The following NEMP2 variants were observed in gnomAD, a reference collection of about 807,000 sequenced individuals.
NEMP2 encodes the protein UPF0571 transmembrane protein.
In NEMP2, 53 loss-of-function variants were observed where a neutral mutation model predicts 54.2. The observed-to-expected ratio is 0.98, with a 90% CI of 0.78 to 1.23. The LOEUF is 1.23. Ranked by LOEUF, NEMP2 falls within the 50% of genes most tolerant of loss-of-function variation. The probability of loss-of-function intolerance (pLI) is 0.00; values close to 1 mark genes in which losing one functional copy is unlikely to be tolerated. For missense variants in NEMP2, 455 were observed against 511.3 expected (o/e 0.89, Z 1.06); for synonymous variants, 197 against 190.3 (o/e 1.04, Z -0.29).
At chr2:190,572,840 T>TC in the NEMP2 span, among the ~76,000 whole-genome samples, 5 of 74,782 alleles carry the variant, frequency 6.7e-5, no homozygotes, top group African/African-American at 2.6e-4. Flanking sequence ...TGAGTATATA[T>TC]ATATATATAT....
the NEMP2 span, among the ~76,000 whole-genome samples, chr2:190,601,209 C>G: frequency 6.6e-6 from 1 of 152,040 alleles, no homozygotes; most frequent in Non-Finnish European, 1.5e-5. The surrounding 1 kb of genome is among the most constrained non-coding windows in gnomAD (Gnocchi z 5.8). Flanking sequence ...AGAGAGAACA[C>G]TGTGTGAAGA....
At chr2:190,442,265 A>G in the NEMP2 span, among the ~76,000 whole-genome samples, 1 of 152,152 alleles carries the variant, frequency 6.6e-6, no homozygotes, top group African/African-American at 2.4e-5. Context: ...ACATTTGTTC[A>G]ATTTAGTTGA....
At chr2:190,458,939 A>G in the NEMP2 span, among the ~76,000 whole-genome samples, 1 of 152,190 alleles carries the variant, frequency 6.6e-6, no homozygotes, top group African/African-American at 2.4e-5. This position sits in a 1 kb window ranked among gnomAD's most constrained non-coding sequence, Gnocchi z 5.3. Context: ...AGAACAGAGA[A>G]TCATGCTTAG....
chr2:190,569,458 A>C, the NEMP2 span, among the ~76,000 whole-genome samples: 1 of 152,232 alleles, frequency 6.6e-6, no homozygotes, highest in African/African-American at 2.4e-5. Context: ...AAGAACTTTG[A>C]ATTTTAGCTT....
At chr2:190,449,168 A>G in the NEMP2 span, among the ~76,000 whole-genome samples, 75 of 152,238 alleles carry the variant, frequency 4.9e-4, no homozygotes, top group African/African-American at 1.7e-3. Context: ...TCAGGTGCAA[A>G]TGCATAGTAT....
the NEMP2 span, among the ~76,000 whole-genome samples, chr2:190,619,848 G>A: frequency 6.6e-6 from 1 of 152,146 alleles, no homozygotes. The surrounding 1 kb of genome is among the most constrained non-coding windows in gnomAD (Gnocchi z 5.5). Context: ...AAAATGGCAA[G>A]CTATGAAGTA....
chr2:190,542,338 A>C, the NEMP2 span, among the ~76,000 whole-genome samples: 1 of 152,128 alleles, frequency 6.6e-6, no homozygotes, highest in Non-Finnish European at 1.5e-5. The surrounding 1 kb of genome is among the most constrained non-coding windows in gnomAD (Gnocchi z 4.6). Flanking sequence ...CAGCCTCCCT[A>C]GTAGCTGGGA....
chr2:190,480,003 A>T, the NEMP2 span, among the ~76,000 whole-genome samples: 2 of 152,314 alleles, frequency 1.3e-5, no homozygotes, highest in African/African-American at 2.4e-5. Context: ...TCTCTACAAA[A>T]TATTTAAAAA....
the NEMP2 span, among the ~76,000 whole-genome samples, chr2:190,460,754 C>G: frequency 6.6e-6 from 1 of 152,184 alleles, no homozygotes; most frequent in Admixed American, 6.5e-5. Flanking sequence ...AATATCAAGA[C>G]ACAGAGACAG....
rs547075861 is a variant in NEMP2 at position 190,512,357 on chromosome 2, T to C, written c.954-1820A>G. ...ACTGTAAGTGGCCTATAGTAGGTGT[T>C]CAATAAGGATAATCAAAAGAGTAGT... is the stretch of plus-strand genomic sequence containing the variant. On this transcript the variant is annotated intron_variant, in intron 7 of 8. Coordinates refer to ENST00000409150, the MANE Select transcript of NEMP2 (RefSeq NM_001142645.2). The surrounding 1 kb of genome is among the most constrained non-coding windows in gnomAD (Gnocchi z 4.5). Among the ~76,000 whole-genome samples the C allele has an allele frequency of 1.3e-5, 2 of 152,302 alleles. No individual in the cohort carries two copies. Among genetic ancestry groups the C allele is most frequent in the African/African-American group, 2.4e-5 (1 of 41,562 alleles).
the NEMP2 span, among the ~76,000 whole-genome samples, chr2:190,611,208 T>A: frequency 6.6e-6 from 1 of 152,206 alleles, no homozygotes; most frequent in African/African-American, 2.4e-5. The surrounding 1 kb of genome is among the most constrained non-coding windows in gnomAD (Gnocchi z 5.4). Context: ...TACACTAAGA[T>A]GTATCAGAAT....
Position 190,513,977 on chromosome 2 carries a change from T to C in NEMP2, c.953+476A>G, listed in dbSNP as rs1690460681. Among the ~76,000 whole-genome samples, 1 of 152,200 alleles carries C rather than the reference T, an allele frequency of 6.6e-6. No homozygotes were observed. Among genetic ancestry groups the C allele is most frequent in the African/African-American group, 2.4e-5 (1 of 41,444 alleles). On this transcript the variant is annotated intron_variant, in intron 7 of 8. Coordinates refer to ENST00000409150, the MANE Select transcript of NEMP2 (RefSeq NM_001142645.2). This position sits in a 1 kb window ranked among gnomAD's most constrained non-coding sequence, Gnocchi z 5.3. ...ATAGAGGTTACTTCATTTTTCTTTTTATACTCCAAAGGCCATAAGCCTTAA... is the reference window on the plus strand; with the variant it reads ...ATAGAGGTTACTTCATTTTTCTTTTCATACTCCAAAGGCCATAAGCCTTAA...
Position 190,518,761 on chromosome 2 carries a change from A to G in NEMP2, c.493T>C (p.Phe165Leu), listed in dbSNP as rs146103983. 2 of 1,545,868 alleles carry G rather than the reference A, an allele frequency of 1.3e-6. No homozygotes were observed. Among genetic ancestry groups the G allele is most frequent in the African/African-American group, 2.8e-5 (2 of 72,608 alleles). ...TGACTCAGGGTCCTTGCATAAAAGA[A>G]AAGAAAAACTCCTGCCACAAACACA... ...FLVFVAGVFLFFYARTLSQSP... is the reference protein window; with the variant it reads ...FLVFVAGVFLLFYARTLSQSP... The change falls in exon 4 of 9, where the codon TTC becomes CTC. Residue 165 changes from phenylalanine (F) to leucine (L), a missense_variant. Transcript: ENST00000409150.
At chr2:190,428,597 TA>T in the NEMP2 span, among the ~76,000 whole-genome samples, 1 of 152,244 alleles carries the variant, frequency 6.6e-6, no homozygotes, top group African/African-American at 2.4e-5. Flanking sequence ...TCAAAAATGC[TA>T]CAATGTGCAT....
chr2:190,517,107 A>T (rs1010564494), intron 5 of NEMP2, among the ~76,000 whole-genome samples: 6 of 151,662 alleles, frequency 4.0e-5, no homozygotes, highest in Admixed American at 1.3e-4. Flanking sequence ...AAAAAAAAAA[A>T]AAAAGAAGGT....
chr2:190,430,611 A>G, the NEMP2 span, among the ~76,000 whole-genome samples: 2 of 152,076 alleles, frequency 1.3e-5, no homozygotes, highest in Admixed American at 6.6e-5. Flanking sequence ...GCTTCTTTCT[A>G]CACAGACACA....
the NEMP2 span, among the ~76,000 whole-genome samples, chr2:190,648,723 G>T: frequency 0.017 from 2,602 of 151,216 alleles, 26 homozygotes; most frequent in South Asian, 0.044. Flanking sequence ...CCCCGCGCCC[G>T]GAGCGGGACT....
In NEMP2 at chr2:190,520,410, T is replaced by C. The variant is rs1187780192; in HGVS notation, c.214-1227A>G. Among the ~76,000 whole-genome samples the C allele has an allele frequency of 6.6e-6, 1 of 152,204 alleles. No individual in the cohort carries two copies. Among genetic ancestry groups the C allele is most frequent in the African/African-American group, 2.4e-5 (1 of 41,440 alleles). ...TAAATGACAATTTTGCTGCTGCCTT[T>C]GTCTGTCCTTTTCTCTATTCCTCTT... On this transcript the variant is annotated intron_variant, in intron 2 of 8. Coordinates refer to ENST00000409150, the MANE Select transcript of NEMP2 (RefSeq NM_001142645.2). This position sits in a 1 kb window ranked among gnomAD's most constrained non-coding sequence, Gnocchi z 5.4.
chr2:190,425,173 A>C, the NEMP2 span, among the ~76,000 whole-genome samples: 1 of 152,144 alleles, frequency 6.6e-6, no homozygotes, highest in Non-Finnish European at 1.5e-5. This position sits in a 1 kb window ranked among gnomAD's most constrained non-coding sequence, Gnocchi z 4.3. Flanking sequence ...AATACAATTA[A>C]TTATTGTATG....
Sources: gnomAD v4.1 joint callset for allele counts (sites outside exome capture counted in the v4.1 genomes callset) on GRCh38, gnomAD v4.1.1 for gene constraint, Gnocchi (gnomAD v3.1) non-coding constraint, MANE v1.5 for transcripts, NCBI Gene and HGNC (gene_info 2026-07-23, HGNC 2026-07-21) for gene names.